Variants in FNBP1L observed in about 807,000 individuals in gnomAD.
FNBP1L encodes formin-binding protein 1-like.
FNBP1L carries 36 observed loss-of-function variants against 91.2 expected under a neutral mutation model. The ratio of observed to expected loss-of-function variants is 0.39; its 90% confidence interval spans 0.30 to 0.52. FNBP1L has a LOEUF of 0.52. Among genes scored for constraint, FNBP1L ranks in the 20% least tolerant of loss-of-function variants. The pLI is 0.66. For missense variants in FNBP1L, 571 were observed against 732.1 expected (o/e 0.78, Z 2.54); for synonymous variants, 242 against 237.0 (o/e 1.02, Z -0.19).
intron 1 of FNBP1L, among the ~76,000 whole-genome samples, chr1:93,486,895 ATTTC>A (rs961601775): frequency 3.9e-5 from 6 of 152,182 alleles, no homozygotes; most frequent in Middle Eastern, 3.4e-3. Context: ...AAATCATATT[ATTTC>A]TTTTATCTTA....
At chr1:93,505,359 C>T (rs1344158238) in intron 2 of FNBP1L, among the ~76,000 whole-genome samples, 3 of 152,114 alleles carry the variant, frequency 2.0e-5, no homozygotes, top group Non-Finnish European at 4.4e-5. Flanking sequence ...TCATTTATAA[C>T]CTGAGGCATC....
intron 5 of FNBP1L, among the ~76,000 whole-genome samples, chr1:93,528,077 G>T (rs1363979074): frequency 6.6e-6 from 1 of 152,018 alleles, no homozygotes; most frequent in Non-Finnish European, 1.5e-5. Flanking sequence ...AAAATTAGGA[G>T]ACTCATCCAG....
intron 1 of FNBP1L, among the ~76,000 whole-genome samples, chr1:93,497,152 C>T (rs752258486): frequency 1.5e-4 from 23 of 151,940 alleles, no homozygotes; most frequent in Non-Finnish European, 2.2e-4. Flanking sequence ...TTAGTACAGA[C>T]GGGGTTTCAC....
intron 3 of FNBP1L, 118 bp from the exon 4 acceptor site, chr1:93,523,226 A>T: frequency 1.1e-6 from 1 of 951,508 alleles, no homozygotes; most frequent in East Asian, 2.9e-5. Flanking sequence ...TAGAACTAGT[A>T]GCTGAGATTT....
At chr1:93,533,468 G>T (rs1326471551) in intron 8 of FNBP1L, among the ~76,000 whole-genome samples, 2 of 152,154 alleles carry the variant, frequency 1.3e-5, no homozygotes, top group African/African-American at 4.8e-5. Flanking sequence ...GATGACCAAT[G>T]AGGAGGAGGA....
chr1:93,522,466 C>G (rs963368902), intron 3 of FNBP1L, among the ~76,000 whole-genome samples: 1 of 152,040 alleles, frequency 6.6e-6, no homozygotes, highest in Non-Finnish European at 1.5e-5. Flanking sequence ...CTTGCTTTTA[C>G]TCTTATAGAT....
At chr1:93,510,926 A>G (rs1333915182) in intron 2 of FNBP1L, among the ~76,000 whole-genome samples, 6 of 152,102 alleles carry the variant, frequency 3.9e-5, no homozygotes, top group Non-Finnish European at 8.8e-5. Flanking sequence ...AAAGAAACGA[A>G]CAAAGCCTCG....
intron 1 of FNBP1L, among the ~76,000 whole-genome samples, chr1:93,461,890 A>G (rs930314267): frequency 6.6e-6 from 1 of 152,206 alleles, no homozygotes; most frequent in Admixed American, 6.5e-5. Flanking sequence ...ATCTTAAGGG[A>G]TCTCACAAAG....
intron 5 of FNBP1L, among the ~76,000 whole-genome samples, chr1:93,527,950 A>T (rs897522879): frequency 6.6e-5 from 10 of 152,110 alleles, no homozygotes; most frequent in African/African-American, 9.7e-5. Context: ...AAAGAAACAT[A>T]TAAAGAACAA....
chr1:93,503,764 C>T (rs1670515081), intron 2 of FNBP1L, among the ~76,000 whole-genome samples: 1 of 152,082 alleles, frequency 6.6e-6, no homozygotes, highest in Non-Finnish European at 1.5e-5. Flanking sequence ...TGAAATCAGT[C>T]ATTCTTTTAA....
In FNBP1L at chr1:93,499,393, T is replaced by C. The variant is rs572773992; in HGVS notation, c.25-75T>C. 6.6e-5 allele frequency: 61 copies of C among 922,984 alleles called. 1 individual carries two copies. The South Asian group carries it at 8.2e-4, about 12-fold the overall frequency. 57.2% of individuals were successfully genotyped at this position (922,984 alleles called of 1,614,324 possible). On this transcript the variant is annotated intron_variant, in intron 1 of 16. Coordinates refer to ENST00000271234, the MANE Select transcript of FNBP1L (RefSeq NM_001164473.3). ...ATACCTCATTGCTTCTCTGTACAAATACCAGAAGCTGTTAAAAATATCTGT... is the reference window on the plus strand; with the variant it reads ...ATACCTCATTGCTTCTCTGTACAAACACCAGAAGCTGTTAAAAATATCTGT...
In FNBP1L at chr1:93,500,058, G is replaced by T. The variant is rs185501140; in HGVS notation, c.140+475G>T. Among the ~76,000 whole-genome samples the T allele has an allele frequency of 2.4e-4, 37 of 152,248 alleles. No individual in the cohort carries two copies. The East Asian group carries it at 6.2e-3, about 25-fold the overall frequency. On this transcript the variant is annotated intron_variant, in intron 2 of 16. Transcript: ENST00000271234. ...GAATGTGATTTTAGAATATGTTTTG[G>T]AAGATAAAAGTTTTAAAGAGAAAAT...
intron 1 of FNBP1L, among the ~76,000 whole-genome samples, chr1:93,493,651 T>C (rs192173564): frequency 6.6e-6 from 1 of 152,308 alleles, no homozygotes; most frequent in Admixed American, 6.5e-5. Context: ...TTACTTAGCA[T>C]GATGTCTTAG....
At chr1:93,486,473 C>T (rs983002896) in intron 1 of FNBP1L, among the ~76,000 whole-genome samples, 1 of 151,000 alleles carries the variant, frequency 6.6e-6, no homozygotes, top group Non-Finnish European at 1.5e-5. Context: ...AGTGCTTTAC[C>T]ATTTACCAGT....
Position 93,544,577 on chromosome 1 carries a change from A to C in FNBP1L, c.1274+361A>C, listed in dbSNP as rs181149753. Among the ~76,000 whole-genome samples, 118 of 152,250 alleles carry C rather than the reference A, an allele frequency of 7.8e-4. 1 individual carries two copies. Among genetic ancestry groups the C allele is most frequent in the African/African-American group, 2.2e-3 (91 of 41,568 alleles). ...CAACCTGAGGCTATTTTGTAGCAAA[A>C]CATTTGGCAAACGGTGCTTGATTAC... On this transcript the variant is annotated intron_variant, in intron 12 of 16. Coordinates refer to ENST00000271234, the MANE Select transcript of FNBP1L (RefSeq NM_001164473.3).
At chr1:93,511,403 G>A (rs1314727641) in intron 2 of FNBP1L, among the ~76,000 whole-genome samples, 2 of 152,136 alleles carry the variant, frequency 1.3e-5, no homozygotes, top group Admixed American at 1.3e-4. Flanking sequence ...ACAAGCAAAT[G>A]CTGAGAGATT....
rs1443600810 is a variant in FNBP1L, at chr1:93,448,171, G to A, written c.-111G>A. The A allele has an allele frequency of 3.6e-6, 5 of 1,396,964 alleles. No individual in the cohort carries two copies. Among genetic ancestry groups the A allele is most frequent in the Non-Finnish European group, 4.8e-6 (5 of 1,031,424 alleles). The allele number at this position is 1,396,964 out of a possible 1,614,324, so 86.5% of individuals were successfully genotyped here. A position where few individuals can be genotyped will look rare whatever the true frequency, so the allele number is the denominator to read the frequency against. The stretch of plus-strand genomic sequence containing the variant: ...CCCGGCGGTGGCGGCACCTTTCGAG[G>A]TAGACCCGCTGAGCTGCTAGCCCGC... On this transcript the variant is annotated 5_prime_UTR_variant, in exon 1 of 17. Coordinates refer to ENST00000271234, the MANE Select transcript of FNBP1L (RefSeq NM_001164473.3).
At chr1:93,543,992 G>GCATTAAAAAAT in intron 11 of FNBP1L, 115 bp from the exon 12 acceptor site, 1 of 661,918 alleles carries the variant, frequency 1.5e-6, no homozygotes. Context: ...GGTTGCTTGA[G>GCATTAAAAAAT]GCAAATTTGA....
At chr1:93,528,064 T>C (rs1671548272) in intron 5 of FNBP1L, among the ~76,000 whole-genome samples, 1 of 151,894 alleles carries the variant, frequency 6.6e-6, no homozygotes, top group African/African-American at 2.4e-5. Flanking sequence ...ATTGAAAATA[T>C]GGAAAATTAG....
Sources: allele counts gnomAD v4.1 joint callset (sites outside exome capture counted in the v4.1 genomes callset), GRCh38; gene constraint gnomAD v4.1.1; transcripts MANE v1.5; gene names NCBI Gene and HGNC (gene_info 2026-07-23, HGNC 2026-07-21).